SLCO5A1: variants seen among roughly 807,000 people sequenced by gnomAD.
SLCO5A1 encodes the protein organic anion transporter polypeptide-related protein 4.
Under a neutral mutation model 65.1 loss-of-function variants are expected in SLCO5A1, and 39 were observed. That is an observed-to-expected ratio of 0.60 (90% CI 0.46 to 0.78). SLCO5A1 has a LOEUF of 0.78. Ranked by LOEUF, SLCO5A1 falls within the 30% of genes least tolerant of loss-of-function variation. SLCO5A1 has a pLI of 0.00. For missense variants in SLCO5A1, 1,029 were observed against 1,069.4 expected, an observed-to-expected ratio of 0.96 and a Z score of 0.53; for synonymous variants, 438 against 415.7, an observed-to-expected ratio of 1.05 and a Z score of -0.65.
At chr8:69,708,152 G>A (rs908606759) in intron 5 of SLCO5A1, among the ~76,000 whole-genome samples, 1 of 152,218 alleles carries the variant, frequency 6.6e-6, no homozygotes, top group Non-Finnish European at 1.5e-5. Flanking sequence ...ACAGAGGCCA[G>A]AGGAAATGTG....
intron 5 of SLCO5A1, among the ~76,000 whole-genome samples, chr8:69,723,690 G>A (rs1269361661): frequency 6.6e-6 from 1 of 151,876 alleles, no homozygotes; most frequent in Non-Finnish European, 1.5e-5. Flanking sequence ...GGAAGCCAAG[G>A]AGAGTTGTAA....
At chr8:69,753,284 G>T (rs1033602542) in intron 4 of SLCO5A1, among the ~76,000 whole-genome samples, 1 of 152,174 alleles carries the variant, frequency 6.6e-6, no homozygotes, top group Non-Finnish European at 1.5e-5. Context: ...AGGAGCTGCG[G>T]TGTTCATCCA....
intron 2 of SLCO5A1, among the ~76,000 whole-genome samples, chr8:69,821,283 T>A (rs1820626469): frequency 6.6e-6 from 1 of 151,720 alleles, no homozygotes; most frequent in African/African-American, 2.4e-5. Flanking sequence ...CGCTTGAACC[T>A]GGGAGGTGGA....
chr8:69,816,369 A>G (rs1431914040), intron 2 of SLCO5A1, among the ~76,000 whole-genome samples: 2 of 152,322 alleles, frequency 1.3e-5, no homozygotes, highest in East Asian at 1.9e-4. Flanking sequence ...TGAAACTTAC[A>G]AAGTTTTCCA....
intron 2 of SLCO5A1, among the ~76,000 whole-genome samples, chr8:69,813,337 C>T (rs1384779114): frequency 6.6e-6 from 1 of 152,242 alleles, no homozygotes; most frequent in Non-Finnish European, 1.5e-5. Flanking sequence ...AGGAGCTGTA[C>T]CATTCCATTT....
At chr8:69,825,339 G>T (rs1264961983) in intron 2 of SLCO5A1, among the ~76,000 whole-genome samples, 2 of 152,144 alleles carry the variant, frequency 1.3e-5, no homozygotes, top group East Asian at 3.9e-4. Flanking sequence ...AAGTCAAATT[G>T]TCCCTGTTTG....
At chr8:69,807,436 G>C (rs1214244467) in intron 2 of SLCO5A1, among the ~76,000 whole-genome samples, 1 of 152,154 alleles carries the variant, frequency 6.6e-6, no homozygotes, top group Non-Finnish European at 1.5e-5. Context: ...TGTGCAATCA[G>C]ACACCAAAAC....
chr8:69,686,231 C>CAAAAAAAAAAAA (rs3060023), intron 6 of SLCO5A1, among the ~76,000 whole-genome samples: 4 of 141,656 alleles, frequency 2.8e-5, no homozygotes, highest in African/African-American at 2.8e-5. Context: ...CTTCACACAG[C>CAAAAAAAAAAAA]AAAAAAAAGA....
At chr8:69,696,538 C>T (rs1814506340) in intron 6 of SLCO5A1, among the ~76,000 whole-genome samples, 1 of 152,042 alleles carries the variant, frequency 6.6e-6, no homozygotes, top group African/African-American at 2.4e-5. Flanking sequence ...AATTTACGGC[C>T]CAGAAATTCA....
intron 2 of SLCO5A1, among the ~76,000 whole-genome samples, chr8:69,801,042 T>C (rs887224953): frequency 6.6e-6 from 1 of 152,194 alleles, no homozygotes; most frequent in South Asian, 2.1e-4. Flanking sequence ...TCCCAAACTT[T>C]GCTGCTCTGC....
chr8:69,760,951 T>A (rs181055464), intron 3 of SLCO5A1, among the ~76,000 whole-genome samples: 3 of 152,068 alleles, frequency 2.0e-5, no homozygotes, highest in African/African-American at 7.2e-5. Context: ...AGTGTGACAA[T>A]GGAAAAGCAG....
intron 3 of SLCO5A1, among the ~76,000 whole-genome samples, chr8:69,760,924 A>G (rs1328361620): frequency 1.3e-5 from 2 of 152,230 alleles, no homozygotes; most frequent in Non-Finnish European, 2.9e-5. Flanking sequence ...TATTAGCAAG[A>G]AAAAAGGGTC....
At chr8:69,818,904 T>A (rs1820517692) in intron 2 of SLCO5A1, among the ~76,000 whole-genome samples, 1 of 152,220 alleles carries the variant, frequency 6.6e-6, no homozygotes, top group Non-Finnish European at 1.5e-5. Flanking sequence ...ATGTGATCTG[T>A]GTGTCCTGGA....
chr8:69,832,300 G>T lies in SLCO5A1; in HGVS notation c.374C>A (p.Thr125Lys), dbSNP rs1386415293. The T allele has an allele frequency of 2.5e-6, 4 of 1,614,208 alleles. No individual in the cohort carries two copies. Among genetic ancestry groups the T allele is most frequent in the East Asian group, 2.2e-5 (1 of 44,884 alleles). ...GCACACCAGGAAGCAACGGGAATCC[G>T]TGAGGACCACGTAGAGGCACCTTCT... ...QERRCLYVVL[T>K]DSRCFLVCMC... The change falls in exon 2 of 10, where the codon ACG becomes AAG. Residue 125 changes from threonine (T) to lysine (K), a missense_variant. By Grantham distance (78) the Thr-to-Lys change is moderately conservative. Coordinates refer to ENST00000260126, the MANE Select transcript of SLCO5A1 (RefSeq NM_030958.3). This position sits in a 1 kb window ranked among gnomAD's most constrained non-coding sequence, Gnocchi z 4.5.
chr8:69,801,885 A>G (rs1819753898), intron 2 of SLCO5A1, among the ~76,000 whole-genome samples: 1 of 152,230 alleles, frequency 6.6e-6, no homozygotes, highest in South Asian at 2.1e-4. Context: ...ACAAAATGCA[A>G]GAGCAAAGTC....
chr8:69,826,730 T>C (rs1030847065), intron 2 of SLCO5A1, among the ~76,000 whole-genome samples: 1 of 152,154 alleles, frequency 6.6e-6, no homozygotes, highest in African/African-American at 2.4e-5. Context: ...ATTGTGGAAG[T>C]CAGTGTGGCG....
Position 69,670,592 on chromosome 8 carries a change from C to T in SLCO5A1, c.*2277G>A, listed in dbSNP as rs1813302787. 6.6e-6 allele frequency: 1 copy of T among 152,156 alleles called. No individual in the cohort carries two copies. Among genetic ancestry groups the T allele is most frequent in the East Asian group, 1.9e-4 (1 of 5,200 alleles). 9.4% of individuals were successfully genotyped at this position (152,156 alleles called of 1,614,324 possible). On this transcript the variant is annotated 3_prime_UTR_variant, in exon 10 of 10. Transcript: ENST00000260126. ...TCTTTGAGTTCTGGCCCAATCATCC[C>T]AAAGGATTTTATGGAGTGGCAGATG...
chr8:69,786,884 G>A (rs1819060551), intron 2 of SLCO5A1, among the ~76,000 whole-genome samples: 1 of 152,154 alleles, frequency 6.6e-6, no homozygotes, highest in African/African-American at 2.4e-5. Flanking sequence ...TGACAACTCA[G>A]CCTAACAAAA....
At chr8:69,781,480 A>G (rs1425550422) in intron 2 of SLCO5A1, among the ~76,000 whole-genome samples, 2 of 152,212 alleles carry the variant, frequency 1.3e-5, no homozygotes, top group East Asian at 3.8e-4. Flanking sequence ...GAGACATATT[A>G]GTAGTCAAAG....
Sources: allele counts gnomAD v4.1 joint callset (sites outside exome capture counted in the v4.1 genomes callset), GRCh38; gene constraint gnomAD v4.1.1; non-coding constraint Gnocchi (gnomAD v3.1); transcripts MANE v1.5; gene names NCBI Gene and HGNC (gene_info 2026-07-23, HGNC 2026-07-21).